The following FAF1 variants were observed in gnomAD, a reference collection of about 807,000 sequenced individuals.
The protein encoded by FAF1 is FAS-associated factor 1.
In FAF1, 25 loss-of-function variants were observed where a neutral mutation model predicts 92.5. The ratio of observed to expected loss-of-function variants is 0.27; its 90% CI spans 0.20 to 0.38. FAF1 has a LOEUF of 0.38. Ranked by LOEUF, FAF1 falls within the 10% of genes least tolerant of loss-of-function variation. The probability of loss-of-function intolerance (pLI) is 1.00; values close to 1 mark genes in which losing one functional copy is unlikely to be tolerated. For synonymous variants in FAF1, 234 were observed against 273.2 expected, an observed-to-expected ratio of 0.86 and a Z score of 1.42; for missense variants, 636 against 793.3, an observed-to-expected ratio of 0.80 and a Z score of 2.38.
At chr1:50,914,775 T>G (rs1644908403) in intron 1 of FAF1, among the ~76,000 whole-genome samples, 1 of 152,188 alleles carries the variant, frequency 6.6e-6, no homozygotes, top group African/African-American at 2.4e-5. Context: ...TATCTCGCTA[T>G]CAAAGTAATG....
At chr1:50,701,167 T>C (rs1657457788) in intron 7 of FAF1, among the ~76,000 whole-genome samples, 1 of 152,084 alleles carries the variant, frequency 6.6e-6, no homozygotes, top group Non-Finnish European at 1.5e-5. Context: ...CATTCGTGAT[T>C]TCAAATTTTA....
rs182914214 is a variant in FAF1, at chr1:50,688,903, G to A, written c.657+16883C>T. On this transcript the variant is annotated intron_variant, in intron 7 of 18. Coordinates refer to ENST00000396153, the MANE Select transcript of FAF1 (RefSeq NM_007051.3). ...ATGAACCTTGAAAACAGTAAGCTGA[G>A]TGAAATAAGCCAAATACAAAAGGCC... 2.3e-3 allele frequency among the ~76,000 whole-genome samples: 355 copies of A among 152,296 alleles called. 1 individual carries two copies. The highest frequency in any genetic ancestry group is 8.3e-3 in the African/African-American group (346 of 41,570).
intron 8 of FAF1, among the ~76,000 whole-genome samples, chr1:50,634,681 C>G (rs758731073): frequency 2.8e-4 from 43 of 152,128 alleles, no homozygotes; most frequent in African/African-American, 9.7e-4. Flanking sequence ...TATTAGAATA[C>G]TGGGCTAGCA....
At chr1:50,934,469 T>A (rs1220162266) in intron 1 of FAF1, among the ~76,000 whole-genome samples, 1 of 152,192 alleles carries the variant, frequency 6.6e-6, no homozygotes, top group Non-Finnish European at 1.5e-5. Flanking sequence ...ATGCCTATAA[T>A]TCTAGCACTT....
At chr1:50,636,797 A>G (rs1213412364) in intron 8 of FAF1, among the ~76,000 whole-genome samples, 1 of 151,836 alleles carries the variant, frequency 6.6e-6, no homozygotes, top group Non-Finnish European at 1.5e-5. Flanking sequence ...TTTCTCCTAT[A>G]TTTTCTCCAA....
chr1:50,525,705 T>C (rs1016873811), intron 15 of FAF1, among the ~76,000 whole-genome samples: 9 of 152,206 alleles, frequency 5.9e-5, no homozygotes, highest in Non-Finnish European at 1.2e-4. Context: ...GTGGGCTTTA[T>C]TATGCTGAGG....
chr1:50,838,181 A>T (rs1644226000), intron 2 of FAF1, among the ~76,000 whole-genome samples: 1 of 152,148 alleles, frequency 6.6e-6, no homozygotes, highest in Non-Finnish European at 1.5e-5. Context: ...TTATGGGCTG[A>T]ACCATCTGGG....
intron 15 of FAF1, among the ~76,000 whole-genome samples, chr1:50,512,734 A>ACT (rs1375337130): frequency 6.6e-6 from 1 of 152,182 alleles, no homozygotes. Context: ...TTTTGGTTCC[A>ACT]TATGATACTT....
At chr1:50,898,556 T>C (rs1644773553) in intron 1 of FAF1, among the ~76,000 whole-genome samples, 1 of 152,206 alleles carries the variant, frequency 6.6e-6, no homozygotes, top group South Asian at 2.1e-4. Context: ...TAGACACATT[T>C]ACTTCTATTT....
intron 4 of FAF1, among the ~76,000 whole-genome samples, chr1:50,764,456 G>T (rs1262999884): frequency 1.3e-5 from 2 of 152,126 alleles, no homozygotes; most frequent in Non-Finnish European, 2.9e-5. Flanking sequence ...TTAGTACTGA[G>T]CCCTATACAT....
At chr1:50,641,875 T>C (rs891936783) in intron 8 of FAF1, among the ~76,000 whole-genome samples, 13 of 152,182 alleles carry the variant, frequency 8.5e-5, no homozygotes, top group African/African-American at 3.1e-4. Flanking sequence ...GACCTTTTAA[T>C]TATTACAGAA....
chr1:50,684,224 CAT>C (rs976672308), intron 7 of FAF1, among the ~76,000 whole-genome samples: 24 of 145,970 alleles, frequency 1.6e-4, no homozygotes, highest in Middle Eastern at 3.7e-3. Context: ...GCTATTGAAA[CAT>C]GTGTGTTTAA....
chr1:50,511,866 G>T (rs982709910), intron 15 of FAF1, among the ~76,000 whole-genome samples: 2 of 152,186 alleles, frequency 1.3e-5, no homozygotes, highest in Admixed American at 6.5e-5. Flanking sequence ...CACCAACAGT[G>T]TAAAAGTGTT....
chr1:50,538,815 A>T (rs1303492261), intron 14 of FAF1, among the ~76,000 whole-genome samples: 1 of 152,148 alleles, frequency 6.6e-6, no homozygotes. Flanking sequence ...ATAAAATGCT[A>T]GAGGTCTGGT....
chr1:50,793,664 G>A (rs564040458), intron 3 of FAF1, among the ~76,000 whole-genome samples: 6 of 152,190 alleles, frequency 3.9e-5, no homozygotes, highest in African/African-American at 1.4e-4. Flanking sequence ...GCACTGGGAC[G>A]TGCATTTTGC....
At chr1:50,813,430 C>G (rs1365174225) in intron 2 of FAF1, among the ~76,000 whole-genome samples, 4 of 151,992 alleles carry the variant, frequency 2.6e-5, no homozygotes, top group Non-Finnish European at 4.4e-5. Flanking sequence ...AAAATGAGAT[C>G]TTACTATATG....
rs184189092 is a variant in FAF1 at position 50,453,327 on chromosome 1, T to C, written c.1870-11804A>G. ...GAATTTTAATATCCAAGCAGGGCCA[T>C]GCGAGCTGGTGTGTGCATTGCTCTG... On this transcript the variant is annotated intron_variant, in intron 18 of 18. Transcript: ENST00000396153. Among the ~76,000 whole-genome samples the C allele has an allele frequency of 3.9e-5, 6 of 152,332 alleles. No individual in the cohort carries two copies. In the East Asian group the frequency reaches 5.8e-4, roughly 15 times the overall value.
At chr1:50,940,717 AT>A (rs1301584276) in intron 1 of FAF1, among the ~76,000 whole-genome samples, 1 of 152,276 alleles carries the variant, frequency 6.6e-6, no homozygotes, top group African/African-American at 2.4e-5. Flanking sequence ...TCAAGAAAGA[AT>A]TTTAAAAATG....
chr1:50,912,252 T>C (rs1057478895), intron 1 of FAF1, among the ~76,000 whole-genome samples: 1 of 152,194 alleles, frequency 6.6e-6, no homozygotes, highest in East Asian at 1.9e-4. Context: ...GGTGTTGTCC[T>C]CATCCTTCCT....
Sources: allele counts gnomAD v4.1 joint callset (sites outside exome capture counted in the v4.1 genomes callset), GRCh38; gene constraint gnomAD v4.1.1; transcripts MANE v1.5; gene names NCBI Gene and HGNC (gene_info 2026-07-23, HGNC 2026-07-21).